The following NOX4 variants were observed in gnomAD, a reference collection of about 807,000 sequenced individuals.
NOX4 encodes the protein NADPH oxidase 4.
NOX4 carries 69 observed loss-of-function variants against 87.6 expected under a neutral mutation model. The ratio of observed to expected loss-of-function variants is 0.79; its 90% CI spans 0.65 to 0.96. NOX4 has a LOEUF of 0.96. Ranked by LOEUF, NOX4 falls within the 40% of genes least tolerant of loss-of-function variation. The pLI is 0.00. For missense variants in NOX4, 680 were observed against 681.5 expected (o/e 1.00, Z 0.02); for synonymous variants, 275 against 238.2 (o/e 1.15, Z -1.42).
intron 13 of NOX4, among the ~76,000 whole-genome samples, chr11:89,343,530 C>A (rs1268937874): frequency 2.0e-5 from 3 of 151,252 alleles, no homozygotes; most frequent in Non-Finnish European, 4.4e-5. Flanking sequence ...GATAAAATTA[C>A]TAGTATTTGA....
chr11:89,457,641 T>C (rs915034041), intron 2 of NOX4, among the ~76,000 whole-genome samples: 1 of 152,102 alleles, frequency 6.6e-6, no homozygotes. Flanking sequence ...ATAAAGTCAG[T>C]CTACTGAACC....
At chr11:89,399,569 T>A (rs1055279242) in intron 11 of NOX4, among the ~76,000 whole-genome samples, 6 of 148,956 alleles carry the variant, frequency 4.0e-5, no homozygotes, top group Admixed American at 6.7e-5. Context: ...GCTCAAGCAA[T>A]CCTCCTGCCT....
At chr11:89,506,280 A>G in the NOX4 span, among the ~76,000 whole-genome samples, 155 of 120,582 alleles carry the variant, frequency 1.3e-3, 1 homozygote, top group African/African-American at 4.6e-3. Flanking sequence ...AAAGAAAAAG[A>G]AAGGAAGAAA....
At chr11:89,556,830 A>T in the NOX4 span, 1 of 152,142 alleles carries the variant, frequency 6.6e-6, no homozygotes, top group Non-Finnish European at 1.5e-5. Context: ...AAACTCTAAC[A>T]AGTTTGGATC....
intron 11 of NOX4, among the ~76,000 whole-genome samples, chr11:89,395,424 T>C (rs1256151596): frequency 6.6e-6 from 1 of 152,208 alleles, no homozygotes; most frequent in African/African-American, 2.4e-5. Flanking sequence ...GATTGGTAGA[T>C]TGCAAAAATT....
At chr11:89,474,782 G>T (rs988067088) in intron 2 of NOX4, among the ~76,000 whole-genome samples, 1 of 151,742 alleles carries the variant, frequency 6.6e-6, no homozygotes, top group Non-Finnish European at 1.5e-5. Context: ...ACAGAATCAG[G>T]TATTTCTTTT....
At chr11:89,512,923 G>C in the NOX4 span, among the ~76,000 whole-genome samples, 1 of 152,108 alleles carries the variant, frequency 6.6e-6, no homozygotes, top group African/African-American at 2.4e-5. Context: ...GTAGCATCTA[G>C]CAGAGTTCTG....
intron 12 of NOX4, among the ~76,000 whole-genome samples, chr11:89,367,930 C>G (rs1030251632): frequency 6.6e-6 from 1 of 151,932 alleles, no homozygotes; most frequent in Non-Finnish European, 1.5e-5. Context: ...TGGAATAATC[C>G]CCCACTCTAG....
chr11:89,414,041 T>C (rs1433401606), intron 8 of NOX4, among the ~76,000 whole-genome samples: 1 of 152,080 alleles, frequency 6.6e-6, no homozygotes, highest in Non-Finnish European at 1.5e-5. Flanking sequence ...AATATTTCTC[T>C]TCTAATAGGT....
At chr11:89,514,763 C>T in the NOX4 span, among the ~76,000 whole-genome samples, 1 of 151,840 alleles carries the variant, frequency 6.6e-6, no homozygotes. Flanking sequence ...TGATGCATTA[C>T]ATTGATTTTT....
chr11:89,543,325 G>A, the NOX4 span, among the ~76,000 whole-genome samples: 4 of 152,184 alleles, frequency 2.6e-5, no homozygotes, highest in Admixed American at 6.5e-5. Context: ...TTGTTCAAAT[G>A]GAAAGGATTT....
chr11:89,438,795 TAATA>T (rs1944257671), intron 6 of NOX4, among the ~76,000 whole-genome samples: 1 of 51,074 alleles, frequency 2.0e-5, no homozygotes, highest in South Asian at 6.1e-4. Context: ...ATATAGTGTA[TAATA>T]TATTATATAT....
chr11:89,365,066 C>G (rs1249284945), intron 12 of NOX4, among the ~76,000 whole-genome samples: 1 of 152,086 alleles, frequency 6.6e-6, no homozygotes, highest in African/African-American at 2.4e-5. Context: ...CTTTTACTTT[C>G]TTCTTGCCTA....
chr11:89,527,887 G>A, the NOX4 span, among the ~76,000 whole-genome samples: 69 of 152,274 alleles, frequency 4.5e-4, no homozygotes, highest in African/African-American at 1.5e-3. Flanking sequence ...CTGAGAAGAG[G>A]ACCATCATCC....
chr11:89,492,764 A>C (rs1006395216), upstream of NOX4, among the ~76,000 whole-genome samples: 1 of 152,134 alleles, frequency 6.6e-6, no homozygotes, highest in African/African-American at 2.4e-5. Context: ...TCTCCACTGG[A>C]AGGAAGTCAA....
At chr11:89,479,354 A>G (rs1412031842) in intron 2 of NOX4, among the ~76,000 whole-genome samples, 4 of 152,218 alleles carry the variant, frequency 2.6e-5, no homozygotes, top group African/African-American at 9.6e-5. Flanking sequence ...TTCTATGATC[A>G]CATTAATGAG....
rs1241696723 is a variant in NOX4 at position 89,449,526 on chromosome 11, T to C, written c.265-2A>G. On this transcript the variant is annotated splice_acceptor_variant, in intron 3 of 17. Transcript: ENST00000263317. LOFTEE classifies it high-confidence loss of function. Reference sequence around the variant, plus strand: ...TCTCCTGGTTCTCCTGCTTGGAACCTAAACAAAAATCATTTAATATGGTAA... The same window carrying C: ...TCTCCTGGTTCTCCTGCTTGGAACCCAAACAAAAATCATTTAATATGGTAA... The C allele has an allele frequency of 6.2e-7, 1 of 1,605,626 alleles. No homozygotes were observed. Among genetic ancestry groups the C allele is most frequent in the Admixed American group, 1.7e-5 (1 of 59,590 alleles).
At chr11:89,520,954 C>T in the NOX4 span, among the ~76,000 whole-genome samples, 1 of 151,976 alleles carries the variant, frequency 6.6e-6, no homozygotes, top group African/African-American at 2.4e-5. Flanking sequence ...TAGCCACACA[C>T]ATAAAATACC....
chr11:89,368,876 G>A (rs1365023281), intron 12 of NOX4, among the ~76,000 whole-genome samples: 1 of 151,504 alleles, frequency 6.6e-6, no homozygotes, highest in Non-Finnish European at 1.5e-5. Context: ...CTGCCAGACT[G>A]GTCTATACTT....
Sources: allele counts gnomAD v4.1 joint callset (sites outside exome capture counted in the v4.1 genomes callset), GRCh38; gene constraint gnomAD v4.1.1; transcripts MANE v1.5; gene names NCBI Gene and HGNC (gene_info 2026-07-23, HGNC 2026-07-21).